The following ZNF26 variants were observed in gnomAD, a reference collection of about 807,000 sequenced individuals.
ZNF26 encodes the protein zinc finger protein 26, also known as epididymis luminal protein 179.
Under a neutral mutation model 54.9 loss-of-function variants are expected in ZNF26, and 32 were observed. That is an observed-to-expected ratio of 0.58 (90% confidence interval 0.44 to 0.78). ZNF26 has a LOEUF of 0.78. ZNF26 is among the 30% of genes least tolerant of loss of function. The pLI is 0.00. For missense variants in ZNF26, 524 were observed against 634.0 expected, an observed-to-expected ratio of 0.83 and a Z score of 1.86; for synonymous variants, 221 against 209.2, an observed-to-expected ratio of 1.06 and a Z score of -0.49.
chr12:133,004,083 G>A (rs993898108), intron 1 of ZNF26, among the ~76,000 whole-genome samples: 34 of 152,124 alleles, frequency 2.2e-4, no homozygotes, highest in Non-Finnish European at 4.1e-4. Context: ...AACTGTCTTA[G>A]TTTTGTTTTC....
At position 133,012,191 on chromosome 12, in the gene ZNF26, A is replaced by G. The variant is rs1301357904; in HGVS notation, c.*710A>G. On this transcript the variant is annotated 3_prime_UTR_variant, in exon 4 of 4. Transcript: ENST00000328654. ...AGAGAACTCATTATAATGAACGTTT[A>G]TTATATTTTGCAGTTCCATGCCTGT... 9 of 152,152 alleles carry G rather than the reference A, an allele frequency of 5.9e-5. No individual in the cohort carries two copies. The highest frequency in any genetic ancestry group is 7.4e-5 in the Non-Finnish European group (5 of 68,022). The allele number at this position is 152,152 out of a possible 1,614,324, so 9.4% of individuals were successfully genotyped here.
Position 133,015,865 on chromosome 12 carries a change from A to G in ZNF26, c.*4384A>G, listed in dbSNP as rs373835355. On this transcript the variant is annotated 3_prime_UTR_variant, in exon 4 of 4. Transcript: ENST00000328654. ...TCTACTGGCAAATAAAAGTGCTTCA[A>G]GCAGACGTTTATTTAGAAATTCATG... 23 of 152,210 alleles carry G rather than the reference A, an allele frequency of 1.5e-4. No individual in the cohort carries two copies. Among genetic ancestry groups the G allele is most frequent in the East Asian group, 1.2e-3 (6 of 5,200 alleles). 9.4% of individuals were successfully genotyped at this position (152,210 alleles called of 1,614,324 possible).
Position 133,007,547 on chromosome 12 carries a change from AAG to A in ZNF26, c.256+18_256+19del, listed in dbSNP as rs1953357711. 1.9e-6 allele frequency: 3 copies of A among 1,598,456 alleles called. No individual in the cohort carries two copies. The highest frequency in any genetic ancestry group is 1.7e-6 in the Non-Finnish European group (2 of 1,168,310). On this transcript the variant is annotated intron_variant, in intron 3 of 3. Coordinates refer to ENST00000328654, the MANE Select transcript of ZNF26 (RefSeq NM_019591.4). ...GAGCTGTCCAGGTGGGTGAGTGAGAAAGAGGAAGGTGGGAGGCATGGGAGTGA... is the reference window on the plus strand; with the variant it reads ...GAGCTGTCCAGGTGGGTGAGTGAGAAAGGAAGGTGGGAGGCATGGGAGTGA...
chr12:133,002,366 C>T (rs1028330313), intron 1 of ZNF26, among the ~76,000 whole-genome samples: 6 of 152,178 alleles, frequency 3.9e-5, no homozygotes, highest in Admixed American at 3.9e-4. Flanking sequence ...CCTTCTTCCA[C>T]TGGACTAACA....
chr12:133,011,125 C>T lies in ZNF26; in HGVS notation c.1246C>T (p.His416Tyr). The T allele has an allele frequency of 6.2e-7, 1 of 1,614,156 alleles. No homozygotes were observed. The highest frequency in any genetic ancestry group is 8.5e-7 in the Non-Finnish European group (1 of 1,180,028). ...AFSSKSYLVI[H>Y]RRTHTGERPY... is the part of the protein sequence containing the mutation. The stretch of plus-strand genomic sequence containing the variant: ...CAGCAGCAAGTCATACCTTGTTATA[C>T]ATAGGAGAACACACACCGGAGAGAG... The change falls in exon 4 of 4, where the codon CAT (histidine) becomes TAT (tyrosine). Residue 416 changes from histidine (H) to tyrosine (Y), a missense_variant. His to Tyr is a moderately conservative substitution (Grantham distance 83). Coordinates refer to ENST00000328654, the MANE Select transcript of ZNF26 (RefSeq NM_019591.4).
Position 133,010,823 on chromosome 12 carries a change from A to G in ZNF26, c.944A>G (p.Lys315Arg). The part of the protein sequence containing the change: ...QRTHTGVKPH[K>R]CSECGKAFRS... Reference sequence around the variant, plus strand: ...ACTCATACAGGAGTGAAACCCCATAAATGCAGTGAATGTGGGAAAGCCTTT... The same window carrying G: ...ACTCATACAGGAGTGAAACCCCATAGATGCAGTGAATGTGGGAAAGCCTTT... The change falls in exon 4 of 4, where the codon AAA becomes AGA. Residue 315 changes from lysine to arginine, a missense_variant. Transcript: ENST00000328654. 6.2e-7 allele frequency: 1 copy of G among 1,613,492 alleles called. No individual in the cohort carries two copies. Among genetic ancestry groups the G allele is most frequent in the Non-Finnish European group, 8.5e-7 (1 of 1,179,872 alleles).
intron 2 of ZNF26, 55 bp from the exon 3 acceptor site, chr12:133,007,382 C>T (rs1953354148): frequency 8.8e-6 from 13 of 1,482,954 alleles, no homozygotes; most frequent in Non-Finnish European, 1.1e-5. Context: ...CTCTTGATTC[C>T]TCGGTCCTGT....
At position 133,010,596 on chromosome 12, in the gene ZNF26, C is replaced by G; in HGVS notation, c.717C>G (p.Phe239Leu). The G allele has an allele frequency of 6.2e-7, 1 of 1,614,130 alleles. No homozygotes were observed. The highest frequency in any genetic ancestry group is 8.5e-7 in the Non-Finnish European group (1 of 1,180,028). The stretch of plus-strand genomic sequence containing the variant: ...CATGTAGTGAGTGCGAGAAGGTCTT[C>G]TCTTTCAGGTCACAGCTCATTGTCC... ...PYSCSECEKV[F>L]SFRSQLIVHQ... The change falls in exon 4 of 4, where the codon TTC becomes TTG. Residue 239 changes from phenylalanine (F) to leucine (L), a missense_variant. Physicochemically the swap from Phe to Leu is conservative, Grantham distance 22 (BLOSUM62 0). Transcript: ENST00000328654.
rs1286650564 is a variant in ZNF26, at chr12:133,018,470, A to G, written c.*6989A>G. ...AGTTAATGTGTATTTAACACTTCCT[A>G]GAACAAACACTAAAGAAATAACTGC... is the stretch of plus-strand genomic sequence containing the variant. On this transcript the variant is annotated 3_prime_UTR_variant, in exon 4 of 4. Transcript: ENST00000328654. 6.6e-6 allele frequency: 1 copy of G among 152,238 alleles called. No individual in the cohort carries two copies. The highest frequency in any genetic ancestry group is 2.4e-5 in the African/African-American group (1 of 41,468). The allele number at this position is 152,238 out of a possible 1,614,324, so 9.4% of individuals were successfully genotyped here.
intron 1 of ZNF26, among the ~76,000 whole-genome samples, chr12:132,993,244 C>A (rs1055538886): frequency 4.0e-5 from 6 of 151,684 alleles, no homozygotes; most frequent in Admixed American, 3.9e-4. Flanking sequence ...AGGCTGGTTT[C>A]GAACTTCTGA....
rs2137264850 is a variant in ZNF26 at position 133,012,480 on chromosome 12, A to G, written c.*999A>G. 6.6e-6 allele frequency: 1 copy of G among 152,098 alleles called. No homozygotes were observed. Among genetic ancestry groups the G allele is most frequent in the East Asian group, 1.9e-4 (1 of 5,192 alleles). The allele number at this position is 152,098 out of a possible 1,614,324, so 9.4% of individuals were successfully genotyped here. A position where few individuals can be genotyped will look rare whatever the true frequency, so the allele number is the denominator to read the frequency against. The stretch of plus-strand genomic sequence containing the variant: ...CCATTCATTCTGGCTAATTGATTAC[A>G]AGAATAACTGTGGATACGATCCCTT... On this transcript the variant is annotated 3_prime_UTR_variant, in exon 4 of 4. Transcript: ENST00000328654.
At position 133,010,310 on chromosome 12, in the gene ZNF26, G is replaced by T. The variant is rs1471276049; in HGVS notation, c.431G>T (p.Ser144Ile). ...SLTQNSAPSR[S>I]YLRKNPDKFH... ...ACACAAAACTCAGCTCCAAGCAGAAGTTATTTAAGAAAGAATCCTGATAAG... is the reference window on the plus strand; with the variant it reads ...ACACAAAACTCAGCTCCAAGCAGAATTTATTTAAGAAAGAATCCTGATAAG... The change falls in exon 4 of 4, where the codon AGT (serine) becomes ATT (isoleucine). Residue 144 changes from serine (S) to isoleucine (I), a missense_variant. By Grantham distance (142) the Ser-to-Ile change is moderately radical. Transcript: ENST00000328654. The T allele has an allele frequency of 2.5e-6, 4 of 1,613,556 alleles. No homozygotes were observed. The South Asian group carries it at 3.3e-5, about 13-fold the overall frequency.
rs1475025650 is a variant in ZNF26 at position 133,020,543 on chromosome 12, A to G, written c.*9062A>G. On this transcript the variant is annotated 3_prime_UTR_variant, in exon 4 of 4. Coordinates refer to ENST00000328654, the MANE Select transcript of ZNF26 (RefSeq NM_019591.4). ...TATAAACATGTATGTACCTAATAAC[A>G]GCACCAAAATACATGAAGCAAAATC... 3 of 152,310 alleles carry G rather than the reference A, an allele frequency of 2.0e-5. No homozygotes were observed. Among genetic ancestry groups the G allele is most frequent in the African/African-American group, 7.2e-5 (3 of 41,470 alleles). 9.4% of individuals were successfully genotyped at this position (152,310 alleles called of 1,614,324 possible).
At chr12:133,003,316 G>A (rs985592687) in intron 1 of ZNF26, among the ~76,000 whole-genome samples, 38 of 149,720 alleles carry the variant, frequency 2.5e-4, no homozygotes, top group African/African-American at 7.9e-4. Flanking sequence ...GTGCAGTGGC[G>A]CAATCTCGGC....
Position 133,017,768 on chromosome 12 carries a change from G to A in ZNF26, c.*6287G>A, listed in dbSNP as rs1304667059. 3 of 152,248 alleles carry A rather than the reference G, an allele frequency of 2.0e-5. No individual in the cohort carries two copies. Among genetic ancestry groups the A allele is most frequent in the African/African-American group, 7.2e-5 (3 of 41,454 alleles). The allele number at this position is 152,248 out of a possible 1,614,324, so 9.4% of individuals were successfully genotyped here. A position where few individuals can be genotyped will look rare whatever the true frequency, so the allele number is the denominator to read the frequency against. Reference sequence around the variant, plus strand: ...CTCACGCCTGTAATCCCAGCACTTTGGGAGGCCGAGGTGGGCGGATCACAA... The same window carrying A: ...CTCACGCCTGTAATCCCAGCACTTTAGGAGGCCGAGGTGGGCGGATCACAA... On this transcript the variant is annotated 3_prime_UTR_variant, in exon 4 of 4. Coordinates refer to ENST00000328654, the MANE Select transcript of ZNF26 (RefSeq NM_019591.4).
In ZNF26 at chr12:133,012,441, T is replaced by G. The variant is rs1203848526; in HGVS notation, c.*960T>G. The G allele has an allele frequency of 2.0e-5, 3 of 152,180 alleles. No homozygotes were observed. Among genetic ancestry groups the G allele is most frequent in the Non-Finnish European group, 2.9e-5 (2 of 68,038 alleles). 9.4% of individuals were successfully genotyped at this position (152,180 alleles called of 1,614,324 possible). On this transcript the variant is annotated 3_prime_UTR_variant, in exon 4 of 4. Transcript: ENST00000328654. ...AACTCATTCATTCTTGTCCCAGAAT[T>G]CTGTTGAGAACATCCATTCATTCTG...
intron 1 of ZNF26, among the ~76,000 whole-genome samples, chr12:132,994,625 G>A (rs1428969212): frequency 6.6e-6 from 1 of 152,092 alleles, no homozygotes; most frequent in African/African-American, 2.4e-5. Context: ...TTTTTGTGAA[G>A]TTGTATGATA....
At chr12:133,004,002 T>C (rs1053685645) in intron 1 of ZNF26, among the ~76,000 whole-genome samples, 1 of 152,250 alleles carries the variant, frequency 6.6e-6, no homozygotes, top group Non-Finnish European at 1.5e-5. Context: ...ATGTAGCATT[T>C]ACCTGATATC....
chr12:133,000,505 A>G (rs1267237207), intron 1 of ZNF26, among the ~76,000 whole-genome samples: 6 of 144,164 alleles, frequency 4.2e-5, no homozygotes, highest in Non-Finnish European at 9.0e-5. Flanking sequence ...GCTCACTGCA[A>G]GCTCCGCCTC....
Sources: allele counts gnomAD v4.1 joint callset (sites outside exome capture counted in the v4.1 genomes callset), GRCh38; gene constraint gnomAD v4.1.1; transcripts MANE v1.5; gene names NCBI Gene and HGNC (gene_info 2026-07-23, HGNC 2026-07-21).